Variants in DHTKD1 observed in about 807,000 individuals in gnomAD.
DHTKD1 encodes the protein dehydrogenase E1 and transketolase domain containing 1.
DHTKD1 carries 78 observed loss-of-function variants against 101.8 expected under a neutral mutation model. The observed-to-expected ratio is 0.77, with a 90% CI of 0.64 to 0.93. The LOEUF (loss-of-function observed/expected upper bound fraction) is 0.93. Ranked by LOEUF, DHTKD1 falls within the 40% of genes least tolerant of loss-of-function variation. DHTKD1 has a pLI of 0.00. For synonymous variants in DHTKD1, 462 were observed against 450.3 expected (o/e 1.03, Z -0.33); for missense variants, 1,223 against 1,161.7 (o/e 1.05, Z -0.77).
In DHTKD1 at chr10:12,103,525, GTGTA is replaced by G. The variant is rs1187484683; in HGVS notation, c.1896+2352_1896+2355del. 1.3e-4 allele frequency among the ~76,000 whole-genome samples: 17 copies of G among 127,710 alleles called. No homozygotes were observed. Among genetic ancestry groups the G allele is most frequent in the South Asian group, 2.7e-4 (1 of 3,758 alleles). 83.8% of individuals were successfully genotyped at this position (127,710 alleles called of 152,430 possible). A position where few individuals can be genotyped will look rare whatever the true frequency, so the allele number is the denominator to read the frequency against. On this transcript the variant is annotated intron_variant, in intron 10 of 16. Coordinates refer to ENST00000263035, the MANE Select transcript of DHTKD1 (RefSeq NM_018706.7). This position sits in a 1 kb window ranked among gnomAD's most constrained non-coding sequence, Gnocchi z 4.8. ...TGTGTGTGTGTGTGTGTGTGTGTGT[GTGTA>G]TGTATGTGACAGGTCCTCCTCTGTT...
intron 7 of DHTKD1, among the ~76,000 whole-genome samples, chr10:12,096,657 G>A (rs1271683593): frequency 2.0e-5 from 3 of 152,180 alleles, no homozygotes; most frequent in Non-Finnish European, 4.4e-5. Flanking sequence ...GCCCCAGGGC[G>A]TTAGCTTTAA....
intron 13 of DHTKD1, among the ~76,000 whole-genome samples, chr10:12,115,124 C>T (rs1252596010): frequency 2.7e-5 from 4 of 150,242 alleles, no homozygotes; most frequent in Admixed American, 1.3e-4. Flanking sequence ...GATGGAGTGT[C>T]GCTCTGTTGC....
chr10:12,117,553 T>G (rs1833439435), intron 13 of DHTKD1, 120 bp from the exon 14 acceptor site: 1 of 691,632 alleles, frequency 1.4e-6, no homozygotes. Context: ...TATTAGGACA[T>G]GGGTCTCCTT....
At chr10:12,112,810 A>T in intron 12 of DHTKD1, 90 bp from the exon 13 acceptor site, 4 of 1,275,406 alleles carry the variant, frequency 3.1e-6, no homozygotes, top group Non-Finnish European at 4.3e-6. Flanking sequence ...AATCAAGAAC[A>T]CCTGTGTTTC....
chr10:12,095,090 C>A (rs1463039343), intron 7 of DHTKD1, among the ~76,000 whole-genome samples: 1 of 152,166 alleles, frequency 6.6e-6, no homozygotes, highest in Non-Finnish European at 1.5e-5. Context: ...GAAATAGAAC[C>A]TCAGTGATTC....
chr10:12,093,994 T>C, intron 6 of DHTKD1, 79 bp from the exon 7 acceptor site: 2 of 1,251,288 alleles, frequency 1.6e-6, no homozygotes, highest in Non-Finnish European at 1.2e-6. Flanking sequence ...TGTCTTTTGA[T>C]GCAGGAAGTA....
rs192838692 is a variant in DHTKD1 at position 12,105,603 on chromosome 10, G to A, written c.1897-643G>A. Among the ~76,000 whole-genome samples, 1,020 of 152,054 alleles carry A rather than the reference G, an allele frequency of 6.7e-3. 6 individuals are homozygous for A. Among genetic ancestry groups the A allele is most frequent in the Non-Finnish European group, 0.01 (699 of 67,962 alleles). On this transcript the variant is annotated intron_variant, in intron 10 of 16. Transcript: ENST00000263035. ...AAATTGTTGGGAGGCCACCACGCCCGGCCACAGGTTTTTGAAAAGCTTATA... is the reference window on the plus strand; with the variant it reads ...AAATTGTTGGGAGGCCACCACGCCCAGCCACAGGTTTTTGAAAAGCTTATA...
chr10:12,092,870 G>C (rs556409053), intron 6 of DHTKD1, among the ~76,000 whole-genome samples: 1 of 151,846 alleles, frequency 6.6e-6, no homozygotes, highest in Non-Finnish European at 1.5e-5. Flanking sequence ...TGTGGAAATT[G>C]GTAGGTTTTT....
intron 7 of DHTKD1, among the ~76,000 whole-genome samples, chr10:12,095,552 G>A (rs924519226): frequency 6.6e-6 from 1 of 151,952 alleles, no homozygotes; most frequent in African/African-American, 2.4e-5. Context: ...GGTGGCTCAC[G>A]CCTGTAATCC....
At position 12,107,510 on chromosome 10, in the gene DHTKD1, C is replaced by T. The variant is rs537961286; in HGVS notation, c.2048-399C>T. On this transcript the variant is annotated intron_variant, in intron 11 of 16. Coordinates refer to ENST00000263035, the MANE Select transcript of DHTKD1 (RefSeq NM_018706.7). The surrounding 1 kb of genome is among the most constrained non-coding windows in gnomAD (Gnocchi z 4.1). ...TCAGGACACTGCAACCTCTATCTCC[C>T]GGGGTCAAGTGATTCTCCCACCTCA... Among the ~76,000 whole-genome samples, 12 of 151,626 alleles carry T rather than the reference C, an allele frequency of 7.9e-5. No homozygotes were observed. Among genetic ancestry groups the T allele is most frequent in the African/African-American group, 2.4e-4 (10 of 41,368 alleles).
chr10:12,070,696 C>A (rs982019839), intron 1 of DHTKD1, among the ~76,000 whole-genome samples: 3 of 152,130 alleles, frequency 2.0e-5, no homozygotes, highest in Non-Finnish European at 1.5e-5. Context: ...ACCATGTTGG[C>A]CAGGCTGGTC....
intron 2 of DHTKD1, among the ~76,000 whole-genome samples, chr10:12,082,913 G>T (rs1832843925): frequency 6.6e-6 from 1 of 152,064 alleles, no homozygotes. Context: ...GAGGCGGGCA[G>T]ATCACGAGGT....
rs1487179601 is a variant in DHTKD1 at position 12,069,078 on chromosome 10, G to C, written c.45G>C (p.Arg15=). ...TAAAARRGLG[R]ALPLFWRGYQ... The stretch of plus-strand genomic sequence containing the variant: ...CAGCAGCACGACGGGGCCTCGGCCG[G>C]GCTCTCCCTCTCTTCTGGCGTGGCT... The change falls in exon 1 of 17, where the codon CGG becomes CGC. Residue 15 remains arginine, a synonymous_variant. Transcript: ENST00000263035. 2 of 1,612,946 alleles carry C rather than the reference G, an allele frequency of 1.2e-6. No homozygotes were observed. The highest frequency in any genetic ancestry group is 2.2e-5 in the South Asian group (2 of 91,052).
intron 1 of DHTKD1, among the ~76,000 whole-genome samples, chr10:12,074,522 ATTT>A (rs1832696913): frequency 6.6e-6 from 1 of 151,234 alleles, no homozygotes; most frequent in South Asian, 2.1e-4. Context: ...TGCCCGGCTA[ATTT>A]TTTGTTTTTT....
intron 8 of DHTKD1, among the ~76,000 whole-genome samples, chr10:12,099,793 C>CTTT (rs55758504): frequency 1.1e-4 from 11 of 96,188 alleles, no homozygotes; most frequent in African/African-American, 2.9e-4. Context: ...AATTTCGTTG[C>CTTT]TTTTTTTTTT....
At position 12,100,245 on chromosome 10, in the gene DHTKD1, GTTCTTTAC is replaced by G; in HGVS notation, c.1742_1749del (p.Ser581CysfsTer5). ...GCCACCGCGGAAGCTCTTGCCTTGG[GTTCTTTAC>G]TTGCTCAAGGTAAGAATTTTCTTTT... On this transcript the variant is annotated frameshift_variant, in exon 9 of 17. Coordinates refer to ENST00000263035, the MANE Select transcript of DHTKD1 (RefSeq NM_018706.7). LOFTEE classifies it high-confidence loss of function. 1 of 1,493,052 alleles carries G rather than the reference GTTCTTTAC, an allele frequency of 6.7e-7. No individual in the cohort carries two copies. The highest frequency in any genetic ancestry group is 9.0e-7 in the Non-Finnish European group (1 of 1,106,216). The allele number at this position is 1,493,052 out of a possible 1,614,324, so 92.5% of individuals were successfully genotyped here. A position where few individuals can be genotyped will look rare whatever the true frequency, so the allele number is the denominator to read the frequency against.
intron 10 of DHTKD1, among the ~76,000 whole-genome samples, chr10:12,102,838 C>T (rs750172064): frequency 1.9e-4 from 29 of 152,158 alleles, no homozygotes; most frequent in Middle Eastern, 3.2e-3. Flanking sequence ...GAGCAGTTCT[C>T]CTGCTTCAGC....
intron 1 of DHTKD1, among the ~76,000 whole-genome samples, chr10:12,074,223 C>A (rs904895944): frequency 6.6e-6 from 1 of 151,970 alleles, no homozygotes; most frequent in African/African-American, 2.4e-5. Context: ...TCTGTGTCGC[C>A]CAGACTGAGT....
At position 12,089,228 on chromosome 10, in the gene DHTKD1, G is replaced by C; in HGVS notation, c.960G>C (p.Gln320His). 1 of 1,614,170 alleles carries C rather than the reference G, an allele frequency of 6.2e-7. No homozygotes were observed. Residue 320 changes from glutamine (Q) to histidine (H), a missense_variant, in exon 5 of 17, where the codon CAG becomes CAC. Transcript: ENST00000263035. ...DGDYSPDNSA[Q>H]PGDRVICLQV... ...ATTACTCTCCAGACAACTCAGCCCA[G>C]CCGGGGGACAGGGTCATTTGCTTAC...
Sources: gnomAD v4.1 joint callset for allele counts (sites outside exome capture counted in the v4.1 genomes callset) on GRCh38, gnomAD v4.1.1 for gene constraint, Gnocchi (gnomAD v3.1) non-coding constraint, MANE v1.5 for transcripts, NCBI Gene and HGNC (gene_info 2026-07-23, HGNC 2026-07-21) for gene names.